CUL9: variants seen among roughly 807,000 people sequenced by gnomAD.
CUL9 encodes the protein cullin 9, also known as cullin-9.
A neutral mutation model predicts 272.6 loss-of-function variants in CUL9; 79 were observed. That is an observed-to-expected ratio of 0.29 (90% confidence interval 0.24 to 0.35). The LOEUF (loss-of-function observed/expected upper bound fraction) is 0.35, where lower values mean the gene tolerates loss of function less well. CUL9 is among the 10% of genes least tolerant of loss of function. CUL9 has a pLI of 1.00. For missense variants in CUL9, 2,532 were observed against 3,255.6 expected (o/e 0.78, Z 5.41); for synonymous variants, 1,186 against 1,286.5 (o/e 0.92, Z 1.67).
intron 29 of CUL9, 95 bp downstream of exon 29, chr6:43,214,007 G>A (rs1775735637): frequency 1.6e-6 from 2 of 1,242,670 alleles, no homozygotes; most frequent in Admixed American, 3.7e-5. Context: ...TAAGACTTCT[G>A]TAGGGTGACA....
chr6:43,204,092 G>C (rs769131015), intron 20 of CUL9, 105 bp downstream of exon 20: 1 of 1,408,118 alleles, frequency 7.1e-7, no homozygotes, highest in Admixed American at 2.6e-5. Flanking sequence ...CTTTATCCCT[G>C]AAGGCCTGTC....
At position 43,221,398 on chromosome 6, in the gene CUL9, C is replaced by T. The variant is rs117005262; in HGVS notation, c.6752+77C>T. On this transcript the variant is annotated intron_variant, in intron 34 of 40. Transcript: ENST00000252050. This position sits in a 1 kb window ranked among gnomAD's most constrained non-coding sequence, Gnocchi z 4.2. Reference sequence around the variant, plus strand: ...CCTGGCAGAAGGAGGGGGGAACGGGCTTAGTGTAAAGCTCAGCAAAAGAGG... The same window carrying T: ...CCTGGCAGAAGGAGGGGGGAACGGGTTTAGTGTAAAGCTCAGCAAAAGAGG... The T allele has an allele frequency of 6.7e-7, 1 of 1,483,110 alleles. No individual in the cohort carries two copies. The highest frequency in any genetic ancestry group is 2.3e-5 in the East Asian group (1 of 42,746). The allele number at this position is 1,483,110 out of a possible 1,614,324, so 91.9% of individuals were successfully genotyped here.
At chr6:43,204,271 T>G in intron 20 of CUL9, 89 bp from the exon 21 acceptor site, 1 of 1,503,334 alleles carries the variant, frequency 6.7e-7, no homozygotes, top group Non-Finnish European at 9.1e-7. Context: ...CAAGCCTTTT[T>G]GTACAATTGA....
chr6:43,187,855 T>C lies in CUL9; in HGVS notation c.1724T>C (p.Leu575Pro), dbSNP rs758150772. 6.2e-6 allele frequency: 10 copies of C among 1,614,062 alleles called. No homozygotes were observed. In the South Asian group the frequency reaches 6.6e-5, roughly 11 times the overall value. Reference protein sequence around the residue: ...NSQIYTKYGLLSNEPSSSSTS... With the variant: ...NSQIYTKYGLPSNEPSSSSTS... ...CAGATCTACACCAAGTATGGGCTGCTGTCTAATGAACCAAGCAGCTCGTCT... is the reference window on the plus strand; with the variant it reads ...CAGATCTACACCAAGTATGGGCTGCCGTCTAATGAACCAAGCAGCTCGTCT... Residue 575 changes from leucine (L) to proline (P), a missense_variant, in exon 7 of 41, where the codon CTG becomes CCG. Physicochemically the swap from Leu to Pro is moderately conservative, Grantham distance 98. Transcript: ENST00000252050.
chr6:43,209,380 A>C (rs965677527), intron 26 of CUL9, among the ~76,000 whole-genome samples: 4 of 147,048 alleles, frequency 2.7e-5, no homozygotes, highest in African/African-American at 7.6e-5. Context: ...CGATCTCCTG[A>C]CCTCGTGATT....
At chr6:43,186,501 G>A in intron 4 of CUL9, 46 bp downstream of exon 4, 1 of 1,547,622 alleles carries the variant, frequency 6.5e-7, no homozygotes, top group Non-Finnish European at 8.7e-7. Flanking sequence ...TTTATTTGGG[G>A]TGGGGTGTAG....
chr6:43,187,186 G>A lies in CUL9; in HGVS notation c.1388-60G>A, dbSNP rs1773012081. Reference sequence around the variant, plus strand: ...ACTTCTGACCAGGAGCAGCCCTAGGGGTCCAGAAATAGACCCCATTCCTGA... The same window carrying A: ...ACTTCTGACCAGGAGCAGCCCTAGGAGTCCAGAAATAGACCCCATTCCTGA... On this transcript the variant is annotated intron_variant, in intron 5 of 40. Coordinates refer to ENST00000252050, the MANE Select transcript of CUL9 (RefSeq NM_015089.4). 3 of 1,605,594 alleles carry A rather than the reference G, an allele frequency of 1.9e-6. No homozygotes were observed. In the South Asian group the frequency reaches 3.3e-5, roughly 18 times the overall value.
chr6:43,191,252 TTGTGTGTG>T lies in CUL9; in HGVS notation c.2181-1716_2181-1709del, dbSNP rs58122260. Among the ~76,000 whole-genome samples the T allele has an allele frequency of 5.6e-4, 71 of 127,024 alleles. 1 individual carries two copies. The highest frequency in any genetic ancestry group is 1.0e-3 in the Admixed American group (13 of 12,472). 83.3% of individuals were successfully genotyped at this position (127,024 alleles called of 152,430 possible). A position where few individuals can be genotyped will look rare whatever the true frequency, so the allele number is the denominator to read the frequency against. On this transcript the variant is annotated intron_variant, in intron 8 of 40. Transcript: ENST00000252050. ...GATAGCCAGGTGTCTCTAAATTGCA[TTGTGTGTG>T]TGTGTGTGTGTGTGTGTGTGTGTGT...
intron 31 of CUL9, among the ~76,000 whole-genome samples, chr6:43,219,788 C>G (rs73736735): frequency 6.6e-6 from 1 of 151,860 alleles, no homozygotes; most frequent in Non-Finnish European, 1.5e-5. Context: ...AGGGAGAGAC[C>G]GGGAGAGGAG....
chr6:43,188,196 A>G (rs1219171048), intron 7 of CUL9, 78 bp downstream of exon 7: 14 of 1,537,318 alleles, frequency 9.1e-6, no homozygotes, highest in Non-Finnish European at 1.1e-5. Flanking sequence ...GTCAGGATCG[A>G]AGGAAAGCCA....
At chr6:43,222,258 T>C (rs2150656397) in intron 35 of CUL9, 58 bp from the exon 36 acceptor site, 3 of 1,427,748 alleles carry the variant, frequency 2.1e-6, no homozygotes, top group East Asian at 2.3e-5. Flanking sequence ...TTTCCACTTA[T>C]TAACTCCCTC....
In CUL9 at chr6:43,221,353, G is replaced by C. The variant is rs756656660; in HGVS notation, c.6752+32G>C. ...AGGGGGGTACTGTGGGGAGCCAGAGGGCAAGGAGGGGGGAGGAGGCCTGGC... is the reference window on the plus strand; with the variant it reads ...AGGGGGGTACTGTGGGGAGCCAGAGCGCAAGGAGGGGGGAGGAGGCCTGGC... On this transcript the variant is annotated intron_variant, in intron 34 of 40. Transcript: ENST00000252050. This position sits in a 1 kb window ranked among gnomAD's most constrained non-coding sequence, Gnocchi z 4.2. The C allele has an allele frequency of 6.5e-7, 1 of 1,548,290 alleles. No homozygotes were observed. Among genetic ancestry groups the C allele is most frequent in the Non-Finnish European group, 8.7e-7 (1 of 1,147,856 alleles).
Position 43,221,230 on chromosome 6 carries a change from G to A in CUL9, c.6661G>A (p.Val2221Met), listed in dbSNP as rs778262990. Residue 2221 changes from valine (V) to methionine (M), a missense_variant, in exon 34 of 41, where the codon GTG (valine) becomes ATG (methionine). This residue lies in a region of CUL9 where 77 missense variants were observed against 161.1 expected (regional missense o/e 0.48). Coordinates refer to ENST00000252050, the MANE Select transcript of CUL9 (RefSeq NM_015089.4). This position sits in a 1 kb window ranked among gnomAD's most constrained non-coding sequence, Gnocchi z 4.2. ...DDGGYYDGMS[V>M]EAQSKHLAKL... ...CGGTGGCTACTATGACGGCATGAGC[G>A]TGGAGGCGCAGAGCAAGCACCTGGC... 27 of 1,611,750 alleles carry A rather than the reference G, an allele frequency of 1.7e-5. No individual in the cohort carries two copies. Among genetic ancestry groups the A allele is most frequent in the Non-Finnish European group, 2.1e-5 (25 of 1,179,980 alleles).
chr6:43,188,671 C>T lies in CUL9; in HGVS notation c.2136C>T (p.Val712=). The T allele has an allele frequency of 6.2e-7, 1 of 1,614,034 alleles. No homozygotes were observed. The highest frequency in any genetic ancestry group is 2.2e-5 in the East Asian group (1 of 44,888). The change falls in exon 8 of 41, where the codon GTC becomes GTT. Residue 712 remains valine, a synonymous_variant. Coordinates refer to ENST00000252050, the MANE Select transcript of CUL9 (RefSeq NM_015089.4). ...CCCTCTCTCAGGCTGTGGAGGAGGT[C>T]ACTGAGCGGGACCACCCTCTGGTCC... is the stretch of plus-strand genomic sequence containing the variant. ...LSALSQAVEE[V]TERDHPLVRP...
rs1774758588 is a variant in CUL9 at position 43,203,216 on chromosome 6, G to T, written c.3849+12G>T. 1 of 1,613,984 alleles carries T rather than the reference G, an allele frequency of 6.2e-7. No individual in the cohort carries two copies. Among genetic ancestry groups the T allele is most frequent in the Non-Finnish European group, 8.5e-7 (1 of 1,179,974 alleles). On this transcript the variant is annotated intron_variant, in intron 18 of 40. Coordinates refer to ENST00000252050, the MANE Select transcript of CUL9 (RefSeq NM_015089.4). This position sits in a 1 kb window ranked among gnomAD's most constrained non-coding sequence, Gnocchi z 5.0. ...AGCGCTGCCAGCAGGTGGTGTTAGGGTGTCAGCCAGGGCTGAGGAGGAGGA... is the reference window on the plus strand; with the variant it reads ...AGCGCTGCCAGCAGGTGGTGTTAGGTTGTCAGCCAGGGCTGAGGAGGAGGA...
intron 16 of CUL9, 84 bp from the exon 17 acceptor site, chr6:43,202,632 C>G: frequency 8.5e-7 from 1 of 1,176,858 alleles, no homozygotes; most frequent in South Asian, 1.2e-5. Context: ...CCTCCCACCT[C>G]AGCCTCCCAA....
At position 43,188,156 on chromosome 6, in the gene CUL9, C is replaced by A. The variant is rs745976436; in HGVS notation, c.1987+38C>A. 1.4e-5 allele frequency: 22 copies of A among 1,608,820 alleles called. No individual in the cohort carries two copies. In the East Asian group the frequency reaches 4.7e-4, roughly 34 times the overall value. On this transcript the variant is annotated intron_variant, in intron 7 of 40. Coordinates refer to ENST00000252050, the MANE Select transcript of CUL9 (RefSeq NM_015089.4). ...CTGGGAGGAAGCAATTGGAACAAGT[C>A]CTGGGTAGTCTCAGTAGAAGAAATG...
Position 43,222,846 on chromosome 6 carries a change from A to G in CUL9, c.7100A>G (p.Gln2367Arg), listed in dbSNP as rs758428039. 1.2e-6 allele frequency: 2 copies of G among 1,614,014 alleles called. No homozygotes were observed. Among genetic ancestry groups the G allele is most frequent in the South Asian group, 1.1e-5 (1 of 91,080 alleles). Reference protein sequence around the residue: ...QDAEYMDVVEQQTENLELHTN... With the variant: ...QDAEYMDVVERQTENLELHTN... Reference sequence around the variant, plus strand: ...GCAGAGTACATGGATGTGGTGGAGCAGCAGACAGAGAACCTGGAGCTGCAC... The same window carrying G: ...GCAGAGTACATGGATGTGGTGGAGCGGCAGACAGAGAACCTGGAGCTGCAC... The change falls in exon 38 of 41, where the codon CAG (glutamine) becomes CGG (arginine). Residue 2367 changes from glutamine to arginine, a missense_variant. This residue lies in a region of CUL9 where 237 missense variants were observed against 305.9 expected (regional missense o/e 0.77). Transcript: ENST00000252050.
chr6:43,222,811 C>T lies in CUL9; in HGVS notation c.7065C>T (p.Tyr2355=), dbSNP rs1162255172. The T allele has an allele frequency of 6.2e-7, 1 of 1,614,112 alleles. No homozygotes were observed. Among genetic ancestry groups the T allele is most frequent in the East Asian group, 2.2e-5 (1 of 44,878 alleles). ...CCTACGCCTGCGTGTACAGCTTCTA[C>T]AGCCAGGACGCAGAGTACATGGATG... ...VLAYACVYSF[Y]SQDAEYMDVV... The change falls in exon 38 of 41, where the codon TAC becomes TAT. Residue 2355 remains tyrosine, a synonymous_variant. Transcript: ENST00000252050.
Sources: allele counts gnomAD v4.1 joint callset (sites outside exome capture counted in the v4.1 genomes callset), GRCh38; gene constraint gnomAD v4.1.1; regional missense constraint gnomAD v4.1.1; non-coding constraint Gnocchi (gnomAD v3.1); transcripts MANE v1.5; gene names NCBI Gene and HGNC (gene_info 2026-07-23, HGNC 2026-07-21).